CHLSN: variants seen among roughly 807,000 people sequenced by gnomAD.
CHLSN encodes cholesin.
At chr7:1,079,252 G>A in the CHLSN span, among the ~76,000 whole-genome samples, 3 of 152,310 alleles carry the variant, frequency 2.0e-5, no homozygotes, top group African/African-American at 4.8e-5. Context: ...GCGGAGGGGC[G>A]GCCACAGACC....
the CHLSN span, among the ~76,000 whole-genome samples, chr7:978,653 G>T: frequency 6.6e-6 from 1 of 152,226 alleles, no homozygotes; most frequent in East Asian, 1.9e-4. Flanking sequence ...TCCGTTTATA[G>T]CTCGAAGATG....
chr7:1,120,140 C>G, the CHLSN span, among the ~76,000 whole-genome samples: 291 of 152,210 alleles, frequency 1.9e-3, 1 homozygote, highest in African/African-American at 6.4e-3. Flanking sequence ...CCTATAAGAG[C>G]AGCCAAAAAT....
the CHLSN span, chr7:986,871 G>A: frequency 2.3e-4 from 321 of 1,425,058 alleles, 1 homozygote; most frequent in South Asian, 4.6e-4. Flanking sequence ...CACGGCTGGG[G>A]AGGGGTCCAT....
chr7:1,012,214 C>T, the CHLSN span, among the ~76,000 whole-genome samples: 49 of 152,356 alleles, frequency 3.2e-4, 1 homozygote, highest in South Asian at 8.5e-3. Flanking sequence ...GGGGCCGCCG[C>T]GGTGGCCGAG....
At chr7:1,000,585 G>C in the CHLSN span, 1 of 1,552,092 alleles carries the variant, frequency 6.4e-7, no homozygotes, top group South Asian at 1.2e-5. Flanking sequence ...TCAGGGTGCT[G>C]GGCAAAAGAC....
At chr7:1,073,972 C>T in the CHLSN span, among the ~76,000 whole-genome samples, 17 of 25,826 alleles carry the variant, frequency 6.6e-4, no homozygotes, top group African/African-American at 2.9e-3. Flanking sequence ...CCCCCCGACC[C>T]CTCACCCCGC....
the CHLSN span, among the ~76,000 whole-genome samples, chr7:1,084,715 C>T: frequency 2.6e-5 from 4 of 152,132 alleles, no homozygotes; most frequent in East Asian, 5.8e-4. Context: ...CCCCACTGTA[C>T]AGATGGGCAC....
At chr7:1,006,182 C>G in the CHLSN span, among the ~76,000 whole-genome samples, 1 of 152,108 alleles carries the variant, frequency 6.6e-6, no homozygotes, top group African/African-American at 2.4e-5. Context: ...TCCAGCACTC[C>G]CAAACTTCCG....
chr7:1,016,870 C>G, the CHLSN span, among the ~76,000 whole-genome samples: 1 of 99,546 alleles, frequency 1.0e-5, no homozygotes, highest in Non-Finnish European at 2.2e-5. Context: ...CAGCACACAG[C>G]AGCGCACAGC....
At chr7:1,112,556 C>T in the CHLSN span, among the ~76,000 whole-genome samples, 8 of 152,124 alleles carry the variant, frequency 5.3e-5, no homozygotes, top group Non-Finnish European at 7.3e-5. Flanking sequence ...GAAAGTCCCA[C>T]GGAACCTGGC....
At chr7:1,008,028 C>T in the CHLSN span, among the ~76,000 whole-genome samples, 3 of 152,180 alleles carry the variant, frequency 2.0e-5, no homozygotes, top group Admixed American at 6.5e-5. Flanking sequence ...AAGGTGCTGG[C>T]AGGCCTGGGG....
At chr7:1,097,556 T>C in the CHLSN span, among the ~76,000 whole-genome samples, 29 of 152,188 alleles carry the variant, frequency 1.9e-4, no homozygotes, top group African/African-American at 6.7e-4. This position sits in a 1 kb window ranked among gnomAD's most constrained non-coding sequence, Gnocchi z 4.3. Flanking sequence ...GCTGGTAAAG[T>C]AGTTGGAAAA....
At chr7:1,010,652 G>A in the CHLSN span, among the ~76,000 whole-genome samples, 18 of 152,168 alleles carry the variant, frequency 1.2e-4, no homozygotes, top group Admixed American at 7.2e-4. Context: ...GGACAGGGAG[G>A]GGGCCAAGAC....
the CHLSN span, chr7:1,055,401 G>C: frequency 2.1e-6 from 1 of 469,784 alleles, no homozygotes; most frequent in Non-Finnish European, 4.4e-6. Context: ...CCAGAGCTCT[G>C]GTGGCCACCT....
At chr7:1,044,283 C>T in the CHLSN span, among the ~76,000 whole-genome samples, 7 of 152,360 alleles carry the variant, frequency 4.6e-5, no homozygotes, top group Admixed American at 1.3e-4. Flanking sequence ...CCGCGCTGGG[C>T]ACTAAGAGAA....
the CHLSN span, among the ~76,000 whole-genome samples, chr7:1,018,433 G>A: frequency 4.6e-5 from 7 of 152,146 alleles, no homozygotes; most frequent in Admixed American, 1.3e-4. Flanking sequence ...GCCTGGCCCC[G>A]AGCAGAGAGG....
chr7:983,158 G>T, the CHLSN span: 7 of 1,416,304 alleles, frequency 4.9e-6, no homozygotes, highest in Non-Finnish European at 6.5e-6. Context: ...GCCTATAAGG[G>T]TGCGGGGGGG....
the CHLSN span, among the ~76,000 whole-genome samples, chr7:1,000,177 C>T: frequency 8.3e-3 from 1,266 of 152,278 alleles, 9 homozygotes; most frequent in Middle Eastern, 0.017. Flanking sequence ...TGCAGTGGGG[C>T]CCTGAGGGCG....
the CHLSN span, chr7:987,011 C>T: frequency 0.013 from 17,835 of 1,406,384 alleles, 1,316 homozygotes; most frequent in East Asian, 0.24. Context: ...CCCAGATCAC[C>T]GGGGCATCCA....
Sources: allele counts gnomAD v4.1 joint callset (sites outside exome capture counted in the v4.1 genomes callset), GRCh38; gene constraint gnomAD v4.1.1; non-coding constraint Gnocchi (gnomAD v3.1); transcripts MANE v1.5; gene names NCBI Gene and HGNC (gene_info 2026-07-23, HGNC 2026-07-21).